ATAD2B: variants seen among roughly 807,000 people sequenced by gnomAD.
ATAD2B encodes the protein ATPase family AAA domain containing 2B.
In ATAD2B, 40 loss-of-function variants were observed where a neutral mutation model predicts 167.6. That is an observed-to-expected ratio of 0.24 (90% confidence interval 0.19 to 0.31). The LOEUF (loss-of-function observed/expected upper bound fraction) is 0.31. Among genes scored for constraint, ATAD2B ranks in the 10% least tolerant of loss-of-function variants. The pLI is 1.00. For missense variants in ATAD2B, 1,242 were observed against 1,757.2 expected (o/e 0.71, Z 5.24); for synonymous variants, 579 against 596.5 (o/e 0.97, Z 0.43).
At chr2:23,815,195 T>C (rs1293593734) in intron 17 of ATAD2B, among the ~76,000 whole-genome samples, 4 of 152,140 alleles carry the variant, frequency 2.6e-5, no homozygotes, top group African/African-American at 9.7e-5. Flanking sequence ...GAAAGGGTTT[T>C]GAAAGAAGGC....
At chr2:23,832,399 A>C (rs1349645549) in intron 14 of ATAD2B, 2 of 306,442 alleles carry the variant, frequency 6.5e-6, no homozygotes, top group Non-Finnish European at 1.3e-5. Context: ...GTTAATGTGG[A>C]AAACGATGTT....
chr2:23,730,482 T>G, the ATAD2B span, among the ~76,000 whole-genome samples: 1 of 151,184 alleles, frequency 6.6e-6, no homozygotes, highest in Non-Finnish European at 1.5e-5. Flanking sequence ...CTGGCTAACA[T>G]GGTGAAACCC....
downstream of ATAD2B, among the ~76,000 whole-genome samples, chr2:23,748,234 C>G (rs1464922870): frequency 2.0e-5 from 3 of 152,120 alleles, no homozygotes; most frequent in Admixed American, 6.5e-5. Context: ...ACATTCTACT[C>G]ACTTGAAGTA....
intron 14 of ATAD2B, chr2:23,832,375 G>T: frequency 3.2e-6 from 1 of 312,716 alleles, no homozygotes. Context: ...TCCTCGAAAT[G>T]TTAGAAAGGG....
At chr2:23,691,115 T>C in the ATAD2B span, 133,267 of 155,020 alleles carry the variant, frequency 0.86, 58,630 homozygotes, top group East Asian at 1. Context: ...GGCTTCCTTT[T>C]CATGCCTAAA....
the ATAD2B span, among the ~76,000 whole-genome samples, chr2:23,731,486 A>G: frequency 1.3e-5 from 2 of 152,178 alleles, no homozygotes; most frequent in East Asian, 3.9e-4. Flanking sequence ...ACACACAACC[A>G]CTTATGAAGC....
chr2:23,791,362 A>AT (rs1369663616), intron 19 of ATAD2B, among the ~76,000 whole-genome samples: 4 of 152,156 alleles, frequency 2.6e-5, no homozygotes, highest in Non-Finnish European at 5.9e-5. Context: ...TGGCTGCACC[A>AT]TTTTACAATC....
At chr2:23,780,109 G>A (rs1679768496) in intron 22 of ATAD2B, among the ~76,000 whole-genome samples, 1 of 152,000 alleles carries the variant, frequency 6.6e-6, no homozygotes, top group Admixed American at 6.6e-5. Flanking sequence ...TTAGCCAGGT[G>A]TGGTGGCGTG....
At chr2:23,745,803 T>C (rs1047279384), downstream of ATAD2B, among the ~76,000 whole-genome samples, 22 of 152,240 alleles carry the variant, frequency 1.4e-4, no homozygotes, top group Non-Finnish European at 1.2e-4. Flanking sequence ...AACATGTTGT[T>C]TGTTTACTCT....
rs561294629 is a variant in ATAD2B, at chr2:23,761,816, G to C, written c.3394+393C>G. Reference sequence around the variant, plus strand: ...CAGAAAAATCAACTTCCTGTTGCCAGATCAGACACACCCACATGCGGGAGT... The same window carrying C: ...CAGAAAAATCAACTTCCTGTTGCCACATCAGACACACCCACATGCGGGAGT... On this transcript the variant is annotated intron_variant, in intron 24 of 27. Transcript: ENST00000238789. Among the ~76,000 whole-genome samples, 137 of 152,272 alleles carry C rather than the reference G, an allele frequency of 9.0e-4. 4 individuals are homozygous for C. In the South Asian group the frequency reaches 0.027, roughly 30 times the overall value.
intron 6 of ATAD2B, among the ~76,000 whole-genome samples, chr2:23,882,702 C>T (rs138893552): frequency 0.039 from 5,862 of 151,218 alleles, 110 homozygotes; most frequent in South Asian, 0.047. Context: ...CCCAGCTACT[C>T]GGGAGGCTGA....
At chr2:23,926,479 C>A in intron 1 of ATAD2B, 76 bp downstream of exon 1, 5 of 1,498,570 alleles carry the variant, frequency 3.3e-6, no homozygotes, top group Non-Finnish European at 3.5e-6. Context: ...CTTCCTACCC[C>A]CAACCCGGCC....
At chr2:23,898,727 G>T (rs1450458154) in intron 1 of ATAD2B, among the ~76,000 whole-genome samples, 3 of 152,166 alleles carry the variant, frequency 2.0e-5, no homozygotes, top group Non-Finnish European at 4.4e-5. Context: ...CTGTGACCAG[G>T]CACAGTGGCT....
At chr2:23,912,788 C>T (rs1394955702) in intron 1 of ATAD2B, among the ~76,000 whole-genome samples, 3 of 151,890 alleles carry the variant, frequency 2.0e-5, no homozygotes, top group Non-Finnish European at 1.5e-5. Context: ...GTTAAGAGTT[C>T]GAGACTAGCC....
chr2:23,720,832 C>A, the ATAD2B span, among the ~76,000 whole-genome samples: 2 of 152,120 alleles, frequency 1.3e-5, no homozygotes, highest in Non-Finnish European at 2.9e-5. Context: ...ATTAGGAACA[C>A]AAAGTGTGCC....
At chr2:23,908,294 G>GA (rs1456679976) in intron 1 of ATAD2B, among the ~76,000 whole-genome samples, 2 of 151,740 alleles carry the variant, frequency 1.3e-5, no homozygotes, top group Non-Finnish European at 2.9e-5. Context: ...AAATTTACAA[G>GA]AAAAAAACAA....
At chr2:23,817,420 T>A (rs75381070) in intron 17 of ATAD2B, among the ~76,000 whole-genome samples, 3,415 of 152,270 alleles carry the variant, frequency 0.022, 138 homozygotes, top group African/African-American at 0.078. Context: ...AGTATCTAAT[T>A]TGTAAAAAGC....
chr2:23,778,151 T>C (rs967726877), intron 22 of ATAD2B, among the ~76,000 whole-genome samples: 1 of 151,928 alleles, frequency 6.6e-6, no homozygotes, highest in African/African-American at 2.4e-5. Flanking sequence ...GGTTGCTTGA[T>C]GAAAGATATG....
chr2:23,690,860 T>C, the ATAD2B span: 2 of 152,272 alleles, frequency 1.3e-5, no homozygotes, highest in Non-Finnish European at 2.9e-5. Context: ...CAGATTTATA[T>C]ATTTGTGTCC....
Sources: allele counts gnomAD v4.1 joint callset (sites outside exome capture counted in the v4.1 genomes callset), GRCh38; gene constraint gnomAD v4.1.1; transcripts MANE v1.5; gene names NCBI Gene and HGNC (gene_info 2026-07-23, HGNC 2026-07-21).